Variants in UGGT2 observed in about 807,000 individuals in gnomAD.
The protein encoded by UGGT2 is UDP-glucose glycoprotein glucosyltransferase 2.
In UGGT2, 180 loss-of-function variants were observed where a neutral mutation model predicts 192.1. That is an observed-to-expected ratio of 0.94 (90% CI 0.83 to 1.06). The LOEUF is 1.06. UGGT2 is among the 50% of genes least tolerant of loss of function. The probability of loss-of-function intolerance (pLI) is 0.00; values close to 1 mark genes in which losing one functional copy is unlikely to be tolerated. For synonymous variants in UGGT2, 580 were observed against 591.0 expected, an observed-to-expected ratio of 0.98 and a Z score of 0.27; for missense variants, 1,849 against 1,795.7, an observed-to-expected ratio of 1.03 and a Z score of -0.54.
chr13:95,832,848 T>C (rs1228284150), intron 38 of UGGT2, 79 bp downstream of exon 38: 3 of 1,557,792 alleles, frequency 1.9e-6, no homozygotes, highest in Non-Finnish European at 1.7e-6. Flanking sequence ...ATAAATTCAC[T>C]AAGAAATGAG....
Position 95,947,864 on chromosome 13 carries a change from G to A in UGGT2, c.1541+132C>T, listed in dbSNP as rs542724489. On this transcript the variant is annotated intron_variant, in intron 14 of 38. Transcript: ENST00000376747. Reference sequence around the variant, plus strand: ...ATAAAGGTATATAATACTTCACAACGTGCAGCTGTGTTATGTCAGGCACTA... The same window carrying A: ...ATAAAGGTATATAATACTTCACAACATGCAGCTGTGTTATGTCAGGCACTA... 8 of 629,670 alleles carry A rather than the reference G, an allele frequency of 1.3e-5. No homozygotes were observed. In the South Asian group the frequency reaches 1.7e-4, roughly 13 times the overall value. 39.0% of individuals were successfully genotyped at this position (629,670 alleles called of 1,614,324 possible).
intron 36 of UGGT2, among the ~76,000 whole-genome samples, chr13:95,841,066 G>A (rs909368462): frequency 2.0e-5 from 3 of 152,074 alleles, no homozygotes; most frequent in African/African-American, 4.8e-5. Flanking sequence ...TGGGGGAAGC[G>A]GAGGGAGAGC....
intron 5 of UGGT2, 26 bp downstream of exon 5, chr13:96,013,281 C>T (rs2139072111): frequency 6.5e-7 from 1 of 1,527,916 alleles, no homozygotes; most frequent in Non-Finnish European, 8.7e-7. Flanking sequence ...CAGCCAAAAG[C>T]AACCTTGGAA....
chr13:95,923,834 G>GA (rs1174969705), intron 20 of UGGT2, among the ~76,000 whole-genome samples: 1 of 152,018 alleles, frequency 6.6e-6, no homozygotes, highest in East Asian at 1.9e-4. Context: ...ACCCAGAAAG[G>GA]AAATACACCT....
intron 35 of UGGT2, 119 bp downstream of exon 35, chr13:95,854,196 G>T: frequency 1.9e-6 from 2 of 1,053,848 alleles, no homozygotes; most frequent in Non-Finnish European, 2.7e-6. Context: ...TGAACACTAT[G>T]TAATTGGTTG....
intron 12 of UGGT2, among the ~76,000 whole-genome samples, chr13:95,960,777 A>G: frequency 6.6e-6 from 1 of 152,186 alleles, no homozygotes; most frequent in Middle Eastern, 3.2e-3. Flanking sequence ...AGAAAGAGAG[A>G]TTTCTATAAA....
intron 17 of UGGT2, among the ~76,000 whole-genome samples, chr13:95,935,063 T>A (rs575329153): frequency 6.6e-6 from 1 of 152,346 alleles, no homozygotes; most frequent in East Asian, 1.9e-4. Context: ...TTTTGTTTTG[T>A]TTTGTTTGCA....
At chr13:95,952,054 T>G in intron 12 of UGGT2, among the ~76,000 whole-genome samples, 1 of 91,178 alleles carries the variant, frequency 1.1e-5, no homozygotes, top group Admixed American at 9.7e-5. Context: ...CGAGACTGTC[T>G]CAAAAAAAAA....
At chr13:96,019,955 A>G (rs1307443492) in intron 4 of UGGT2, among the ~76,000 whole-genome samples, 2 of 152,210 alleles carry the variant, frequency 1.3e-5, no homozygotes, top group Non-Finnish European at 1.5e-5. Context: ...TGGCCCAGGC[A>G]TTTAGGGAAA....
intron 36 of UGGT2, among the ~76,000 whole-genome samples, chr13:95,842,574 C>T (rs1183499086): frequency 1.3e-5 from 2 of 152,228 alleles, no homozygotes; most frequent in South Asian, 2.1e-4. Flanking sequence ...CCTGGTCTGG[C>T]TGGATCTAGT....
At position 95,823,317 on chromosome 13, in the gene UGGT2, C is replaced by T. The variant is rs368391735; in HGVS notation, c.4528+9610G>A. ...TGTTTTAGGGTATAGCTTAAGTCCA[C>T]TGTTTGTTGGCTTTCTGTCTCAATC... On this transcript the variant is annotated intron_variant, in intron 38 of 38. Coordinates refer to ENST00000376747, the MANE Select transcript of UGGT2 (RefSeq NM_020121.4). 3.9e-5 allele frequency among the ~76,000 whole-genome samples: 6 copies of T among 151,980 alleles called. No homozygotes were observed. The East Asian group carries it at 7.7e-4, about 19-fold the overall frequency.
chr13:95,903,653 AG>A (rs2048179707), intron 20 of UGGT2, among the ~76,000 whole-genome samples: 1 of 152,198 alleles, frequency 6.6e-6, no homozygotes, highest in East Asian at 1.9e-4. Flanking sequence ...CTGTAGCTGT[AG>A]TCAATTTTTA....
intron 22 of UGGT2, among the ~76,000 whole-genome samples, chr13:95,898,254 T>C (rs929708310): frequency 3.9e-5 from 6 of 152,010 alleles, no homozygotes; most frequent in Non-Finnish European, 8.8e-5. Flanking sequence ...ATGATGCCAA[T>C]CTCCTGCCCA....
chr13:96,025,683 G>C (rs141114497), intron 2 of UGGT2, among the ~76,000 whole-genome samples: 2 of 152,188 alleles, frequency 1.3e-5, no homozygotes, highest in East Asian at 3.9e-4. Context: ...GGCAAGCTAA[G>C]TTTTTAGCTT....
chr13:96,023,170 A>G lies in UGGT2; in HGVS notation c.373-18T>C. The G allele has an allele frequency of 6.5e-7, 1 of 1,549,846 alleles. No individual in the cohort carries two copies. Among genetic ancestry groups the G allele is most frequent in the Non-Finnish European group, 8.7e-7 (1 of 1,145,412 alleles). On this transcript the variant is annotated intron_variant, in intron 3 of 38. Coordinates refer to ENST00000376747, the MANE Select transcript of UGGT2 (RefSeq NM_020121.4). ...GCTGCAATCTAAGATTTCAAAGATT[A>G]TATTTAGCTACAGCAGTTGATAATT...
intron 36 of UGGT2, among the ~76,000 whole-genome samples, chr13:95,842,885 C>A (rs1374292237): frequency 6.6e-6 from 1 of 152,180 alleles, no homozygotes. Flanking sequence ...CCCGGGCTGA[C>A]ACAATGATTG....
intron 20 of UGGT2, 21 bp from the exon 21 acceptor site, chr13:95,903,081 TAAA>T: frequency 6.3e-7 from 1 of 1,595,126 alleles, no homozygotes; most frequent in Non-Finnish European, 8.5e-7. Context: ...ATTTATAGAT[TAAA>T]AAGACCAGTA....
At chr13:95,920,618 T>C (rs1275743395) in intron 20 of UGGT2, among the ~76,000 whole-genome samples, 1 of 151,984 alleles carries the variant, frequency 6.6e-6, no homozygotes, top group African/African-American at 2.4e-5. Flanking sequence ...ATTAAAGAAA[T>C]GCAAATCAAA....
At chr13:95,978,590 A>C (rs1371124350) in intron 10 of UGGT2, among the ~76,000 whole-genome samples, 2 of 152,174 alleles carry the variant, frequency 1.3e-5, no homozygotes, top group Non-Finnish European at 2.9e-5. Flanking sequence ...TTACTCAAGA[A>C]ATTTTTGCAT....
Sources: gnomAD v4.1 joint callset for allele counts (sites outside exome capture counted in the v4.1 genomes callset) on GRCh38, gnomAD v4.1.1 for gene constraint, MANE v1.5 for transcripts, NCBI Gene and HGNC (gene_info 2026-07-23, HGNC 2026-07-21) for gene names.